The following ADARB2 variants were observed in gnomAD, a reference collection of about 807,000 sequenced individuals.
ADARB2 encodes the protein inactive double-stranded RNA-specific editase B2.
Under a neutral mutation model 62.2 loss-of-function variants are expected in ADARB2, and 25 were observed. That is an observed-to-expected ratio of 0.40 (90% confidence interval 0.29 to 0.56). ADARB2 has a LOEUF of 0.56. Among genes scored for constraint, ADARB2 ranks in the 20% least tolerant of loss-of-function variants. ADARB2 has a pLI of 0.43. For missense variants in ADARB2, 1,071 were observed against 1,077.4 expected (o/e 0.99, Z 0.08); for synonymous variants, 572 against 500.8 (o/e 1.14, Z -1.90).
At chr10:1,258,957 C>T (rs571862991) in intron 4 of ADARB2, among the ~76,000 whole-genome samples, 28 of 152,194 alleles carry the variant, frequency 1.8e-4, no homozygotes, top group Non-Finnish European at 4.0e-4. Context: ...GTCTCTGAGA[C>T]CACAGTGCAA....
At chr10:1,581,578 G>T (rs753944639) in intron 1 of ADARB2, among the ~76,000 whole-genome samples, 1 of 152,194 alleles carries the variant, frequency 6.6e-6, no homozygotes, top group African/African-American at 2.4e-5. Context: ...TACCACAGGG[G>T]TAGGTCTAGA....
intron 1 of ADARB2, among the ~76,000 whole-genome samples, chr10:1,633,431 G>A (rs752599799): frequency 9.2e-5 from 14 of 152,160 alleles, no homozygotes; most frequent in South Asian, 6.2e-4. Flanking sequence ...GAGTGTGGAC[G>A]CTGAACTGAT....
intron 8 of ADARB2, 24 bp downstream of exon 8, chr10:1,199,942 G>T (rs1188639760): frequency 1.3e-6 from 2 of 1,492,114 alleles, no homozygotes; most frequent in Admixed American, 2.0e-5. Flanking sequence ...GGAGGTGGAG[G>T]GCCCCCGGGA....
chr10:1,641,918 C>G (rs1002031996), intron 1 of ADARB2, among the ~76,000 whole-genome samples: 6 of 152,082 alleles, frequency 3.9e-5, no homozygotes, highest in African/African-American at 1.2e-4. Context: ...GAGGCTGAGG[C>G]AGGAGAATCA....
intron 3 of ADARB2, among the ~76,000 whole-genome samples, chr10:1,335,878 G>A (rs369156190): frequency 4.6e-5 from 7 of 152,266 alleles, no homozygotes; most frequent in South Asian, 4.2e-4. Context: ...TTACAGACCC[G>A]CTGCAATCCC....
intron 4 of ADARB2, among the ~76,000 whole-genome samples, chr10:1,259,536 C>CT (rs1831113776): frequency 6.6e-6 from 1 of 152,198 alleles, no homozygotes; most frequent in African/African-American, 2.4e-5. Flanking sequence ...CGCAAATAAA[C>CT]TAGAAAATCT....
intron 1 of ADARB2, among the ~76,000 whole-genome samples, chr10:1,715,125 C>G (rs1046566628): frequency 5.3e-5 from 8 of 150,988 alleles, no homozygotes; most frequent in African/African-American, 1.9e-4. Flanking sequence ...TAATTCTTTT[C>G]TCTCTGTGGT....
At chr10:1,678,283 G>GTGTCCT in intron 1 of ADARB2, 1 of 985,000 alleles carries the variant, frequency 1.0e-6, no homozygotes, top group African/African-American at 1.8e-5. Flanking sequence ...CTCGGGGTGA[G>GTGTCCT]CGTCCTCGGG....
chr10:1,423,561 G>A (rs1832868832), intron 1 of ADARB2, among the ~76,000 whole-genome samples: 1 of 152,204 alleles, frequency 6.6e-6, no homozygotes, highest in African/African-American at 2.4e-5. Context: ...GGCCTAGTGA[G>A]TTCCATGCCA....
At chr10:1,557,885 G>T (rs1055730096) in intron 1 of ADARB2, among the ~76,000 whole-genome samples, 4 of 152,048 alleles carry the variant, frequency 2.6e-5, no homozygotes, top group Non-Finnish European at 5.9e-5. Flanking sequence ...CTGAGGTTGC[G>T]CCACTGCACT....
chr10:1,538,012 A>T (rs1299984980), intron 1 of ADARB2, among the ~76,000 whole-genome samples: 1 of 152,226 alleles, frequency 6.6e-6, no homozygotes, highest in Non-Finnish European at 1.5e-5. Flanking sequence ...AAAAATTGAA[A>T]GTTCAGAACT....
At position 1,704,414 on chromosome 10, in the gene ADARB2, GT is replaced by G. The variant is rs1834861826; in HGVS notation, c.100+32636del. Among the ~76,000 whole-genome samples the G allele has an allele frequency of 2.0e-5, 3 of 152,192 alleles. No homozygotes were observed. Among genetic ancestry groups the G allele is most frequent in the Non-Finnish European group, 4.4e-5 (3 of 68,034 alleles). ...ATCAGGCATTAGATTTTCATAAGGA[GT>G]CTGCAACCTGGATCCCTTACAAGCA... is the stretch of plus-strand genomic sequence containing the variant. On this transcript the variant is annotated intron_variant, in intron 1 of 9. Coordinates refer to ENST00000381312, the MANE Select transcript of ADARB2 (RefSeq NM_018702.4). This position sits in a 1 kb window ranked among gnomAD's most constrained non-coding sequence, Gnocchi z 5.6.
chr10:1,373,296 CCT>C (rs36091586), intron 2 of ADARB2, among the ~76,000 whole-genome samples: 41,214 of 151,610 alleles, frequency 0.27, 6,605 homozygotes, highest in Non-Finnish European at 0.36. Context: ...TGTCTCTACC[CCT>C]GTTTCTGTCT....
intron 1 of ADARB2, among the ~76,000 whole-genome samples, chr10:1,461,662 C>A (rs966367487): frequency 7.6e-6 from 1 of 132,376 alleles, no homozygotes; most frequent in Non-Finnish European, 1.7e-5. Context: ...GTTTCTTAAT[C>A]TTTTTTTTTT....
At chr10:1,313,181 G>T (rs1317424304) in intron 3 of ADARB2, among the ~76,000 whole-genome samples, 1 of 152,152 alleles carries the variant, frequency 6.6e-6, no homozygotes, top group Admixed American at 6.5e-5. Flanking sequence ...GGTCTTATCT[G>T]TGTGGGGGAG....
At chr10:1,372,555 G>GC (rs1446826238) in intron 2 of ADARB2, among the ~76,000 whole-genome samples, 3 of 152,174 alleles carry the variant, frequency 2.0e-5, no homozygotes, top group African/African-American at 7.2e-5. Context: ...GACACTGTAA[G>GC]CTGCCAACAC....
chr10:1,524,899 T>C (rs1389518561), intron 1 of ADARB2, among the ~76,000 whole-genome samples: 4 of 152,150 alleles, frequency 2.6e-5, no homozygotes, highest in African/African-American at 9.7e-5. Flanking sequence ...CAGAAAATAG[T>C]CAGGATAGTC....
chr10:1,564,755 G>A (rs1832834821), intron 1 of ADARB2, among the ~76,000 whole-genome samples: 1 of 149,740 alleles, frequency 6.7e-6, no homozygotes, highest in Non-Finnish European at 1.5e-5. Context: ...AAAAAGTCAG[G>A]AAACAACAGG....
At chr10:1,725,133 G>T (rs929907888) in intron 1 of ADARB2, among the ~76,000 whole-genome samples, 2 of 152,202 alleles carry the variant, frequency 1.3e-5, no homozygotes, top group Admixed American at 6.5e-5. Context: ...AGATGAACCT[G>T]CCAGGACATG....
Sources: allele counts gnomAD v4.1 joint callset (sites outside exome capture counted in the v4.1 genomes callset), GRCh38; gene constraint gnomAD v4.1.1; non-coding constraint Gnocchi (gnomAD v3.1); transcripts MANE v1.5; gene names NCBI Gene and HGNC (gene_info 2026-07-23, HGNC 2026-07-21).